The following CPLANE1 variants were observed in gnomAD, a reference collection of about 807,000 sequenced individuals.
CPLANE1 encodes the protein ciliogenesis and planar polarity effector complex subunit 1.
In CPLANE1, 263 loss-of-function variants were observed where a neutral mutation model predicts 362.5. The observed-to-expected ratio is 0.73, with a 90% CI of 0.66 to 0.80. The LOEUF (loss-of-function observed/expected upper bound fraction) is 0.80, where lower values mean the gene tolerates loss of function less well. Ranked by LOEUF, CPLANE1 falls within the 30% of genes least tolerant of loss-of-function variation. The pLI, the probability that CPLANE1 is intolerant of heterozygous loss-of-function variation, is 0.00. For synonymous variants in CPLANE1, 1,212 were observed against 1,302.6 expected (o/e 0.93, Z 1.50); for missense variants, 3,461 against 3,793.4 (o/e 0.91, Z 2.30).
chr5:37,226,153 A>G (rs1183526947), intron 12 of CPLANE1, 151 bp downstream of exon 12: 1 of 514,900 alleles, frequency 1.9e-6, no homozygotes, highest in Non-Finnish European at 3.2e-6. Flanking sequence ...ATTAGTGCTA[A>G]TAGTTTCACA....
At position 37,210,000 on chromosome 5, in the gene CPLANE1, GAAGA is replaced by G; in HGVS notation, c.2920+3555_2920+3558del. 1 of 869,514 alleles carries G rather than the reference GAAGA, an allele frequency of 1.2e-6. No homozygotes were observed. The allele number at this position is 869,514 out of a possible 1,614,324, so 53.9% of individuals were successfully genotyped here. ...GAGAGAAATAGAAGAGCAACTTCGG[GAAGA>G]AATATGTCAAAAGTTGAAGTTTTTT... On this transcript the variant is annotated intron_variant, in intron 16 of 52. Coordinates refer to ENST00000651892, the MANE Select transcript of CPLANE1 (RefSeq NM_001384732.1). This position sits in a 1 kb window ranked among gnomAD's most constrained non-coding sequence, Gnocchi z 4.6.
rs1783625028 is a variant in CPLANE1, at chr5:37,185,082, G to A, written c.4190-3C>T. The A allele has an allele frequency of 6.3e-7, 1 of 1,588,614 alleles. No individual in the cohort carries two copies. Among genetic ancestry groups the A allele is most frequent in the East Asian group, 2.2e-5 (1 of 44,648 alleles). On this transcript the variant is annotated splice_region_variant and splice_polypyrimidine_tract_variant and intron_variant, in intron 24 of 52. Transcript: ENST00000651892. ...CATCATTTCCTCAGTCTGGGGTCCTGGAAAGAAAAGAATAAAAAGTCTTAG... is the reference window on the plus strand; with the variant it reads ...CATCATTTCCTCAGTCTGGGGTCCTAGAAAGAAAAGAATAAAAAGTCTTAG...
intron 4 of CPLANE1, among the ~76,000 whole-genome samples, chr5:37,245,040 T>A (rs10035730): frequency 0.066 from 10,033 of 151,544 alleles, 1,022 homozygotes; most frequent in African/African-American, 0.22. Context: ...TAGTCCCAGC[T>A]ACTCGGGAGG....
chr5:37,106,726 G>A lies in CPLANE1; in HGVS notation c.*876C>T. On this transcript the variant is annotated 3_prime_UTR_variant, in exon 53 of 53. Coordinates refer to ENST00000651892, the MANE Select transcript of CPLANE1 (RefSeq NM_001384732.1). ...TGCTGCAATACATGTTGTAAAACCT[G>A]GCTTCACACAGGTAGATATTTGGAA... 1.8e-6 allele frequency: 1 copy of A among 540,984 alleles called. No individual in the cohort carries two copies. The highest frequency in any genetic ancestry group is 2.4e-6 in the Non-Finnish European group (1 of 424,356). The allele number at this position is 540,984 out of a possible 1,614,324, so 33.5% of individuals were successfully genotyped here. A position where few individuals can be genotyped will look rare whatever the true frequency, so the allele number is the denominator to read the frequency against.
rs747558469 is a variant in CPLANE1 at position 37,183,274 on chromosome 5, T to A, written c.4907A>T (p.Asp1636Val). 2 of 1,613,366 alleles carry A rather than the reference T, an allele frequency of 1.2e-6. No homozygotes were observed. The highest frequency in any genetic ancestry group is 1.7e-6 in the Non-Finnish European group (2 of 1,179,874). ...YESEKSSSLN[D>V]EYGMHLENQK... Reference sequence around the variant, plus strand: ...GTTTTCTAAATGCATGCCATATTCATCATTTAAAGAGGATGATTTTTCTGA... The same window carrying A: ...GTTTTCTAAATGCATGCCATATTCAACATTTAAAGAGGATGATTTTTCTGA... The change falls in exon 26 of 53, where the codon GAT becomes GTT. Residue 1636 changes from aspartate (D) to valine (V), a missense_variant. Around this residue, in one of 2 missense-constraint regions of CPLANE1, gnomAD observed 3,380 missense variants for 3,666.1 expected, o/e 0.92. Transcript: ENST00000651892.
rs148666740 is a variant in CPLANE1, at chr5:37,108,426, C to T, written c.9446G>A (p.Gly3149Glu). Reference protein sequence around the residue: ...CHSLQHTKKHGSAGLAPQTKQ... With the variant: ...CHSLQHTKKHESAGLAPQTKQ... ...GGTTTGAGGTGCAAGCCCAGCACTT[C>T]CATGTTTTTTTGTATGCTGCAGACT... The change falls in exon 52 of 53, where the codon GGA becomes GAA. Residue 3149 changes from glycine to glutamate, a missense_variant. This residue lies in a region of CPLANE1 where 81 missense variants were observed against 127.3 expected (regional missense o/e 0.64). Transcript: ENST00000651892. 1.9e-6 allele frequency: 3 copies of T among 1,614,074 alleles called. No individual in the cohort carries two copies. In the African/African-American group the frequency reaches 4.0e-5, roughly 22 times the overall value.
intron 8 of CPLANE1, among the ~76,000 whole-genome samples, chr5:37,234,293 A>C (rs894600221): frequency 9.2e-5 from 14 of 152,048 alleles, no homozygotes; most frequent in Non-Finnish European, 1.9e-4. Flanking sequence ...GATTTTGAAG[A>C]AGCTCAATGA....
intron 16 of CPLANE1, chr5:37,211,820 T>G (rs1792691753): frequency 1.2e-6 from 1 of 807,248 alleles, no homozygotes; most frequent in Admixed American, 1.7e-5. Flanking sequence ...AGCTAGCTTT[T>G]AAGGATAACG....
At chr5:37,127,449 C>T (rs190530750) in intron 46 of CPLANE1, among the ~76,000 whole-genome samples, 1 of 152,200 alleles carries the variant, frequency 6.6e-6, no homozygotes, top group Admixed American at 6.5e-5. Flanking sequence ...ATGAATATTA[C>T]CACTCGATGT....
intron 52 of CPLANE1, 35 bp from the exon 53 acceptor site, chr5:37,107,813 C>A: frequency 6.6e-7 from 1 of 1,505,360 alleles, no homozygotes; most frequent in East Asian, 2.4e-5. Context: ...GGTCCTAGCC[C>A]CTAAAAACAA....
rs1431077955 is a variant in CPLANE1, at chr5:37,244,361, G to C, written c.570+14C>G. On this transcript the variant is annotated intron_variant, in intron 5 of 52. Coordinates refer to ENST00000651892, the MANE Select transcript of CPLANE1 (RefSeq NM_001384732.1). Reference sequence around the variant, plus strand: ...TAATCTGCTTCACAGATAAGAGTCTGAGACTGATTTTACCTCATTTTTTAT... The same window carrying C: ...TAATCTGCTTCACAGATAAGAGTCTCAGACTGATTTTACCTCATTTTTTAT... 5.2e-6 allele frequency: 8 copies of C among 1,529,084 alleles called. No homozygotes were observed. In the East Asian group the frequency reaches 1.7e-4, roughly 33 times the overall value. The allele number at this position is 1,529,084 out of a possible 1,614,324, so 94.7% of individuals were successfully genotyped here. A position where few individuals can be genotyped will look rare whatever the true frequency, so the allele number is the denominator to read the frequency against.
At chr5:37,161,671 C>A (rs1002741083) in intron 38 of CPLANE1, among the ~76,000 whole-genome samples, 4 of 152,036 alleles carry the variant, frequency 2.6e-5, no homozygotes, top group African/African-American at 9.7e-5. Context: ...AATATCTGGA[C>A]AATGAGAGTT....
chr5:37,197,962 C>A (rs1257404409), intron 20 of CPLANE1, among the ~76,000 whole-genome samples: 1 of 152,074 alleles, frequency 6.6e-6, no homozygotes, highest in African/African-American at 2.4e-5. Flanking sequence ...GATAACTTAT[C>A]AAAGTTATCT....
At chr5:37,083,649 A>C in the CPLANE1 span, among the ~76,000 whole-genome samples, 1 of 152,252 alleles carries the variant, frequency 6.6e-6, no homozygotes, top group African/African-American at 2.4e-5. Flanking sequence ...AAGTCTCAAC[A>C]ATAAAATCGA....
the CPLANE1 span, among the ~76,000 whole-genome samples, chr5:37,083,836 A>G: frequency 6.6e-6 from 1 of 152,258 alleles, no homozygotes; most frequent in Non-Finnish European, 1.5e-5. Flanking sequence ...AAATAAATCT[A>G]AAAGTTTGGA....
rs1474432916 is a variant in CPLANE1, at chr5:37,107,184, G to A, written c.*418C>T. On this transcript the variant is annotated 3_prime_UTR_variant, in exon 53 of 53. Transcript: ENST00000651892. ...GGTTCATAATTGAGTTCTCAGGTGA[G>A]ACTGATTTTCTTCTCAATGAAAAGA... is the stretch of plus-strand genomic sequence containing the variant. 1.0e-6 allele frequency: 1 copy of A among 986,240 alleles called. No homozygotes were observed. Among genetic ancestry groups the A allele is most frequent in the Non-Finnish European group, 1.2e-6 (1 of 830,286 alleles). The allele number at this position is 986,240 out of a possible 1,614,324, so 61.1% of individuals were successfully genotyped here.
chr5:37,242,499 A>T (rs1204028480), intron 6 of CPLANE1, among the ~76,000 whole-genome samples: 1 of 152,228 alleles, frequency 6.6e-6, no homozygotes, highest in Non-Finnish European at 1.5e-5. Flanking sequence ...TCTTTTCCAG[A>T]ATAGTTACTT....
chr5:37,138,467 C>A (rs183373354), intron 46 of CPLANE1: 246 of 590,486 alleles, frequency 4.2e-4, no homozygotes, highest in Non-Finnish European at 6.9e-4. Context: ...TTAATTACTT[C>A]TAGTAAGAGA....
rs759221559 is a variant in CPLANE1 at position 37,182,913 on chromosome 5, T to C, written c.5268A>G (p.Arg1756=). 1 of 1,606,632 alleles carries C rather than the reference T, an allele frequency of 6.2e-7. No individual in the cohort carries two copies. ...TTATACCAGAATCACAGAGTAGCCT[T>C]CTATTAGACCACCTTATCATCCATT... is the stretch of plus-strand genomic sequence containing the variant. ...LLEWMIRWSN[R]RLLCDSGITE... Residue 1756 remains arginine, a synonymous_variant, in exon 26 of 53, where the codon AGA becomes AGG. Transcript: ENST00000651892.
Sources: gnomAD v4.1 joint callset for allele counts (sites outside exome capture counted in the v4.1 genomes callset) on GRCh38, gnomAD v4.1.1 for gene constraint, gnomAD v4.1.1 regional missense constraint, Gnocchi (gnomAD v3.1) non-coding constraint, MANE v1.5 for transcripts, NCBI Gene and HGNC (gene_info 2026-07-23, HGNC 2026-07-21) for gene names.